The following SPAG16 variants were observed in gnomAD, a reference collection of about 807,000 sequenced individuals.
SPAG16 encodes the protein sperm associated antigen 16.
Under a neutral mutation model 80.4 loss-of-function variants are expected in SPAG16, and 86 were observed. The observed-to-expected ratio is 1.07, with a 90% CI of 0.90 to 1.28. The LOEUF (loss-of-function observed/expected upper bound fraction) is 1.28. Among genes scored for constraint, SPAG16 ranks in the 50% most tolerant of loss-of-function variants. The pLI is 0.00. For synonymous variants in SPAG16, 294 were observed against 265.9 expected (o/e 1.11, Z -1.03); for missense variants, 870 against 765.3 (o/e 1.14, Z -1.61).
intron 15 of SPAG16, among the ~76,000 whole-genome samples, chr2:214,326,696 A>G (rs1696508240): frequency 6.6e-6 from 1 of 152,148 alleles, no homozygotes; most frequent in African/African-American, 2.4e-5. Flanking sequence ...CTGTAATCCT[A>G]GCACTTTGGG....
intron 8 of SPAG16, among the ~76,000 whole-genome samples, chr2:213,366,892 C>G (rs1430055326): frequency 6.6e-6 from 1 of 152,060 alleles, no homozygotes; most frequent in African/African-American, 2.4e-5. Flanking sequence ...CACCCATTAA[C>G]TCATCATTTA....
At chr2:214,249,567 T>A (rs989352978) in intron 15 of SPAG16, among the ~76,000 whole-genome samples, 1 of 152,092 alleles carries the variant, frequency 6.6e-6, no homozygotes, top group African/African-American at 2.4e-5. Flanking sequence ...AAAAACAAAT[T>A]ATTTTTATAT....
chr2:214,371,532 C>CAA (rs199553043), intron 15 of SPAG16, among the ~76,000 whole-genome samples: 896 of 78,314 alleles, frequency 0.011, 13 homozygotes, highest in African/African-American at 0.03. Context: ...AAATCCTTCT[C>CAA]AAAAAAAAAA....
intron 10 of SPAG16, among the ~76,000 whole-genome samples, chr2:213,749,650 A>G (rs898581816): frequency 6.6e-6 from 1 of 152,246 alleles, no homozygotes. Flanking sequence ...TAAACTGCTT[A>G]AGCTAAAGAT....
chr2:213,927,801 A>G (rs564591912), intron 11 of SPAG16, among the ~76,000 whole-genome samples: 2 of 152,170 alleles, frequency 1.3e-5, no homozygotes, highest in South Asian at 2.1e-4. Flanking sequence ...ACATACCACA[A>G]TAATTTTTAT....
At chr2:213,307,073 A>G (rs1420221513) in intron 3 of SPAG16, among the ~76,000 whole-genome samples, 1 of 152,304 alleles carries the variant, frequency 6.6e-6, no homozygotes, top group Non-Finnish European at 1.5e-5. Context: ...TACAAAAGTA[A>G]TTTTACACTC....
chr2:213,402,741 A>G (rs562041246), intron 9 of SPAG16, among the ~76,000 whole-genome samples: 6 of 152,294 alleles, frequency 3.9e-5, no homozygotes, highest in Admixed American at 6.5e-5. Context: ...CCATGTCCCT[A>G]CAGAGGACAT....
intron 10 of SPAG16, among the ~76,000 whole-genome samples, chr2:213,642,017 A>G (rs2062611542): frequency 6.6e-6 from 1 of 152,056 alleles, no homozygotes. Context: ...TGATCCAATC[A>G]CCTCCTTCTT....
chr2:213,654,313 G>A (rs1015556790), intron 10 of SPAG16, among the ~76,000 whole-genome samples: 1 of 151,970 alleles, frequency 6.6e-6, no homozygotes, highest in Non-Finnish European at 1.5e-5. Context: ...AAATCTTTCA[G>A]GTAACTTTCA....
intron 11 of SPAG16, among the ~76,000 whole-genome samples, chr2:213,891,264 A>C (rs910356399): frequency 2.0e-5 from 3 of 152,228 alleles, no homozygotes; most frequent in Admixed American, 2.0e-4. Context: ...GAAGAAGTTT[A>C]TCATTGGCAT....
At chr2:213,434,206 C>T (rs2070485022) in intron 9 of SPAG16, among the ~76,000 whole-genome samples, 2 of 152,092 alleles carry the variant, frequency 1.3e-5, no homozygotes, top group African/African-American at 4.8e-5. Context: ...AGACATGAGC[C>T]ACCTCACCCA....
intron 9 of SPAG16, 195 bp downstream of exon 9, chr2:213,375,314 T>C: frequency 2.3e-6 from 1 of 426,830 alleles, no homozygotes; most frequent in Non-Finnish European, 4.3e-6. Context: ...CACAGGCTTA[T>C]TAGTAGCAGA....
chr2:213,563,267 A>G (rs2059653744), intron 10 of SPAG16, among the ~76,000 whole-genome samples: 1 of 152,016 alleles, frequency 6.6e-6, no homozygotes, highest in Admixed American at 6.6e-5. Flanking sequence ...TTTTTCACAT[A>G]TGCCATATAT....
chr2:213,835,052 T>C (rs2073998959), intron 10 of SPAG16, among the ~76,000 whole-genome samples: 1 of 152,172 alleles, frequency 6.6e-6, no homozygotes, highest in African/African-American at 2.4e-5. Context: ...AGATTTACAA[T>C]AGAATATTTG....
intron 9 of SPAG16, among the ~76,000 whole-genome samples, chr2:213,388,467 A>G (rs1228273896): frequency 6.6e-6 from 1 of 152,222 alleles, no homozygotes; most frequent in Non-Finnish European, 1.5e-5. Context: ...GGAAAATTAG[A>G]AAGTGACCAC....
chr2:214,305,891 T>TG (rs1694876608), intron 15 of SPAG16, among the ~76,000 whole-genome samples: 1 of 152,014 alleles, frequency 6.6e-6, no homozygotes, highest in African/African-American at 2.4e-5. Context: ...TAAAATAGTT[T>TG]TTTTTTTCTA....
At chr2:214,071,325 C>T (rs939480240) in intron 13 of SPAG16, among the ~76,000 whole-genome samples, 14 of 152,094 alleles carry the variant, frequency 9.2e-5, no homozygotes, top group African/African-American at 3.4e-4. Context: ...CTATGCTCAG[C>T]ACATTAAATA....
intron 11 of SPAG16, among the ~76,000 whole-genome samples, chr2:213,896,561 T>G (rs1559561952): frequency 7.1e-6 from 1 of 141,426 alleles, no homozygotes; most frequent in African/African-American, 2.6e-5. Flanking sequence ...AATGGTTAAA[T>G]GGATAAAATG....
chr2:213,475,544 C>G (rs1196008642), intron 9 of SPAG16, among the ~76,000 whole-genome samples: 1 of 152,098 alleles, frequency 6.6e-6, no homozygotes, highest in Non-Finnish European at 1.5e-5. Context: ...AAGCATCCCT[C>G]AAATCTCAGT....
Sources: allele counts gnomAD v4.1 joint callset (sites outside exome capture counted in the v4.1 genomes callset), GRCh38; gene constraint gnomAD v4.1.1; transcripts MANE v1.5; gene names NCBI Gene and HGNC (gene_info 2026-07-23, HGNC 2026-07-21).